The following C6orf62 variants were observed in gnomAD, a reference collection of about 807,000 sequenced individuals.
C6orf62 encodes the protein uncharacterized protein C6orf62.
A neutral mutation model predicts 26.8 loss-of-function variants in C6orf62; 16 were observed. That is an observed-to-expected ratio of 0.60 (90% CI 0.40 to 0.91). The LOEUF is 0.91. Ranked by LOEUF, C6orf62 falls within the 40% of genes least tolerant of loss-of-function variation. C6orf62 has a pLI of 0.00. For synonymous variants in C6orf62, 112 were observed against 91.5 expected, an observed-to-expected ratio of 1.22 and a Z score of -1.28; for missense variants, 192 against 271.4, an observed-to-expected ratio of 0.71 and a Z score of 2.06.
At chr6:24,720,541 G>A (rs557451295), upstream of C6orf62, 78 of 301,672 alleles carry the variant, frequency 2.6e-4, no homozygotes, top group African/African-American at 1.7e-3. Flanking sequence ...AGAAAGATGG[G>A]GAGTTGGATT....
Position 24,706,052 on chromosome 6 carries a change from A to G in C6orf62, c.*85T>C. 6.5e-7 allele frequency: 1 copy of G among 1,542,222 alleles called. No individual in the cohort carries two copies. Among genetic ancestry groups the G allele is most frequent in the Non-Finnish European group, 8.8e-7 (1 of 1,141,840 alleles). On this transcript the variant is annotated 3_prime_UTR_variant, in exon 5 of 5. Coordinates refer to ENST00000378119, the MANE Select transcript of C6orf62 (RefSeq NM_030939.5). ...CTGTGCATGAGTCCATTTTCTTTAA[A>G]CTCTGAAAGAATAAAGTGGTAAGAA...
chr6:24,720,442 T>G, upstream of C6orf62: 1 of 1,098,196 alleles, frequency 9.1e-7, no homozygotes, highest in Non-Finnish European at 1.1e-6. Context: ...GGACCCATAG[T>G]CTGGCTCGGC....
rs1414510948 is a variant in C6orf62, at chr6:24,705,113, C to A, written c.*1024G>T. ...CTATACAGTAGTCTTTCCTTATGTT[C>A]ATTGCACAAAATGAGTTCTGCTTTT... On this transcript the variant is annotated 3_prime_UTR_variant, in exon 5 of 5. Coordinates refer to ENST00000378119, the MANE Select transcript of C6orf62 (RefSeq NM_030939.5). 6.6e-6 allele frequency: 1 copy of A among 151,182 alleles called. No homozygotes were observed. The highest frequency in any genetic ancestry group is 1.5e-5 in the Non-Finnish European group (1 of 67,766). The allele number at this position is 151,182 out of a possible 1,614,324, so 9.4% of individuals were successfully genotyped here.
At chr6:24,708,636 C>T in intron 4 of C6orf62, 141 bp downstream of exon 4, 1 of 1,134,000 alleles carries the variant, frequency 8.8e-7, no homozygotes, top group Non-Finnish European at 1.3e-6. Context: ...CCATGCCCAG[C>T]CTATTTTTTG....
chr6:24,710,683 C>G (rs1020103922), intron 3 of C6orf62: 12 of 944,134 alleles, frequency 1.3e-5, no homozygotes, highest in Non-Finnish European at 1.5e-5. Flanking sequence ...TTCCCCAGGA[C>G]AAAGTAGTAA....
chr6:24,716,075 G>A (rs1357336813), intron 2 of C6orf62, 73 bp downstream of exon 2: 9 of 1,312,930 alleles, frequency 6.9e-6, no homozygotes, highest in Non-Finnish European at 7.6e-6. Context: ...CTTTAAGGGG[G>A]GTTCGGGGGG....
chr6:24,714,193 T>C (rs1779178631), intron 3 of C6orf62, 125 bp downstream of exon 3: 5 of 697,040 alleles, frequency 7.2e-6, no homozygotes, highest in Non-Finnish European at 1.1e-5. Flanking sequence ...ATATTCTAAA[T>C]AGGGGAGACT....
At chr6:24,714,750 G>A (rs191613907) in intron 2 of C6orf62, among the ~76,000 whole-genome samples, 54 of 152,166 alleles carry the variant, frequency 3.5e-4, no homozygotes, top group African/African-American at 1.3e-3. Flanking sequence ...CGAATGGCTG[G>A]GATTACAAGT....
At position 24,718,900 on chromosome 6, in the gene C6orf62, G is replaced by A; in HGVS notation, c.-232C>T. Reference sequence around the variant, plus strand: ...TGTCCAGTCATGTTTGGACAATAACGTTTGGGGTCAGACGGGAAAAAGGGA... The same window carrying A: ...TGTCCAGTCATGTTTGGACAATAACATTTGGGGTCAGACGGGAAAAAGGGA... On this transcript the variant is annotated 5_prime_UTR_variant, in exon 1 of 5. It adds an upstream start codon to the 5' untranslated region. Coordinates refer to ENST00000378119, the MANE Select transcript of C6orf62 (RefSeq NM_030939.5). 4 of 1,318,416 alleles carry A rather than the reference G, an allele frequency of 3.0e-6. No individual in the cohort carries two copies. Among genetic ancestry groups the A allele is most frequent in the Non-Finnish European group, 3.9e-6 (4 of 1,037,576 alleles). The allele number at this position is 1,318,416 out of a possible 1,614,324, so 81.7% of individuals were successfully genotyped here.
chr6:24,718,400 G>C (rs1779279231), intron 1 of C6orf62, 140 bp downstream of exon 1: 1 of 788,964 alleles, frequency 1.3e-6, no homozygotes, highest in East Asian at 2.8e-5. Flanking sequence ...TCACCCCTAA[G>C]GGTGAAAAAA....
At chr6:24,714,543 C>A in intron 2 of C6orf62, 103 bp from the exon 3 acceptor site, 1 of 754,426 alleles carries the variant, frequency 1.3e-6, no homozygotes, top group South Asian at 2.0e-5. Flanking sequence ...TTTATAAGTA[C>A]AAAAGATCTA....
At chr6:24,719,792 G>A (rs1308952734), upstream of C6orf62, 4 of 1,547,216 alleles carry the variant, frequency 2.6e-6, no homozygotes, top group Non-Finnish European at 2.6e-6. Context: ...GGCGGTGCCC[G>A]GAGACCACCT....
In C6orf62 at chr6:24,719,057, G is replaced by A; in HGVS notation, c.-389C>T. 1 of 1,034,978 alleles carries A rather than the reference G, an allele frequency of 9.7e-7. No individual in the cohort carries two copies. Among genetic ancestry groups the A allele is most frequent in the South Asian group, 3.2e-5 (1 of 31,138 alleles). The allele number at this position is 1,034,978 out of a possible 1,614,324, so 64.1% of individuals were successfully genotyped here. ...GGATTTAGGTGTGCAATAAAACACA[G>A]CTGACACCAGACCAATCCCTAAAAT... On this transcript the variant is annotated 5_prime_UTR_variant, in exon 1 of 5. Transcript: ENST00000378119.
chr6:24,708,620 G>A (rs888970296), intron 4 of C6orf62, among the ~76,000 whole-genome samples, 157 bp downstream of exon 4: 5 of 152,202 alleles, frequency 3.3e-5, no homozygotes, highest in Non-Finnish European at 4.4e-5. Context: ...TTACAGGCAT[G>A]AGCCACCATG....
At position 24,705,219 on chromosome 6, in the gene C6orf62, T is replaced by G. The variant is rs1227555398; in HGVS notation, c.*918A>C. ...TTTTTTCTACTCCAAAACACCCTTG[T>G]AAAGTTTTTCTTTAGGATGGTGTAA... On this transcript the variant is annotated 3_prime_UTR_variant, in exon 5 of 5. Transcript: ENST00000378119. 1 of 152,636 alleles carries G rather than the reference T, an allele frequency of 6.6e-6. No individual in the cohort carries two copies. The highest frequency in any genetic ancestry group is 1.9e-4 in the East Asian group (1 of 5,206). 9.5% of individuals were successfully genotyped at this position (152,636 alleles called of 1,614,324 possible). A position where few individuals can be genotyped will look rare whatever the true frequency, so the allele number is the denominator to read the frequency against.
chr6:24,719,815 C>A (rs1779317891), upstream of C6orf62: 1 of 1,547,418 alleles, frequency 6.5e-7, no homozygotes, highest in African/African-American at 1.4e-5. Flanking sequence ...CTTCCACCCC[C>A]GCAGGTCCCA....
Position 24,718,552 on chromosome 6 carries a change from T to A in C6orf62, c.117A>T (p.Val39=). ...AACTTTAAATTACCTTCTCCTTGAA[T>A]ACAAAGGCAATATACATCTTGAAGT... is the stretch of plus-strand genomic sequence containing the variant. ...QFDFKMYIAF[V]FKEKKKKSAL... Residue 39 remains valine (V), a synonymous_variant, in exon 1 of 5, where the codon GTA becomes GTT. Transcript: ENST00000378119. The A allele has an allele frequency of 6.2e-7, 1 of 1,607,506 alleles. No individual in the cohort carries two copies. Among genetic ancestry groups the A allele is most frequent in the Non-Finnish European group, 8.5e-7 (1 of 1,176,116 alleles).
intron 3 of C6orf62, 82 bp from the exon 4 acceptor site, chr6:24,708,993 C>A: frequency 6.4e-7 from 1 of 1,560,170 alleles, no homozygotes; most frequent in Non-Finnish European, 8.7e-7. Flanking sequence ...CTGTGCTGTC[C>A]AATAAAGCAG....
chr6:24,720,109 G>A (rs1779325229), upstream of C6orf62: 6 of 1,414,616 alleles, frequency 4.2e-6, no homozygotes, highest in South Asian at 1.5e-5. Context: ...TTTAGGGTGG[G>A]GTCGTTAGTT....
Sources: gnomAD v4.1 joint callset for allele counts (sites outside exome capture counted in the v4.1 genomes callset) on GRCh38, gnomAD v4.1.1 for gene constraint, MANE v1.5 for transcripts, NCBI Gene and HGNC (gene_info 2026-07-23, HGNC 2026-07-21) for gene names.